RNF135: variants seen among roughly 807,000 people sequenced by gnomAD.
RNF135 encodes the protein E3 ubiquitin-protein ligase RNF135.
RNF135 carries 46 observed loss-of-function variants against 41.9 expected under a neutral mutation model. The ratio of observed to expected loss-of-function variants is 1.10; its 90% CI spans 0.87 to 1.40. The LOEUF is 1.40. RNF135 is among the 40% of genes most tolerant of loss of function. The pLI is 0.00. For missense variants in RNF135, 539 were observed against 549.8 expected, an observed-to-expected ratio of 0.98 and a Z score of 0.20; for synonymous variants, 238 against 223.8, an observed-to-expected ratio of 1.06 and a Z score of -0.57.
rs755228042 is a variant in RNF135 at position 30,998,733 on chromosome 17, G to A, written c.841G>A (p.Val281Met). ...SLEVSKDSRT[V>M]TVSHRPQPYR... is the part of the protein sequence containing the mutation. Reference sequence around the variant, plus strand: ...GGAGGTGTCCAAGGATTCCCGTACAGTGACTGTGTCTCACCGCCCACAACC... The same window carrying A: ...GGAGGTGTCCAAGGATTCCCGTACAATGACTGTGTCTCACCGCCCACAACC... The change falls in exon 5 of 5, where the codon GTG (valine) becomes ATG (methionine). Residue 281 changes from valine to methionine, a missense_variant. By Grantham distance (21) the Val-to-Met change is conservative (BLOSUM62 1). Coordinates refer to ENST00000328381, the MANE Select transcript of RNF135 (RefSeq NM_032322.4). 5 of 1,613,534 alleles carry A rather than the reference G, an allele frequency of 3.1e-6. No homozygotes were observed. The South Asian group carries it at 5.5e-5, about 18-fold the overall frequency.
Position 30,998,657 on chromosome 17 carries a change from C to G in RNF135, c.770-5C>G. 1 of 1,611,110 alleles carries G rather than the reference C, an allele frequency of 6.2e-7. No homozygotes were observed. Among genetic ancestry groups the G allele is most frequent in the African/African-American group, 1.3e-5 (1 of 74,422 alleles). The stretch of plus-strand genomic sequence containing the variant: ...GTTCTTATTGTTCTTTTTTTTTTTC[C>G]AAAGGGGCCATCCATCCAACCTTTA... On this transcript the variant is annotated splice_region_variant and splice_polypyrimidine_tract_variant and intron_variant, in intron 4 of 4. Transcript: ENST00000328381.
At chr17:30,983,921 A>G (rs758030098) in intron 1 of RNF135, among the ~76,000 whole-genome samples, 15 of 152,130 alleles carry the variant, frequency 9.9e-5, no homozygotes, top group Non-Finnish European at 2.1e-4. Context: ...TAGCTATTCA[A>G]GTTCTTTGCC....
intron 1 of RNF135, among the ~76,000 whole-genome samples, chr17:30,973,971 T>C (rs764608450): frequency 2.6e-5 from 4 of 152,310 alleles, no homozygotes; most frequent in Non-Finnish European, 5.9e-5. Context: ...GCCAGGCATG[T>C]GGTTCACACC....
chr17:30,973,674 C>T (rs1906198286), intron 1 of RNF135, among the ~76,000 whole-genome samples: 1 of 152,176 alleles, frequency 6.6e-6, no homozygotes, highest in South Asian at 2.1e-4. Context: ...CACTGTGGGC[C>T]AGGCTGGTCT....
chr17:30,997,656 T>C (rs1908454992), intron 4 of RNF135: 1 of 421,812 alleles, frequency 2.4e-6, no homozygotes. Context: ...TTCCTAAACC[T>C]GCTGAGGTAT....
At chr17:30,998,591 G>T (rs1278364584) in intron 4 of RNF135, 71 bp from the exon 5 acceptor site, 1 of 1,481,994 alleles carries the variant, frequency 6.7e-7, no homozygotes. Flanking sequence ...GTTGCTATTT[G>T]AAGACTTCTT....
Position 30,971,464 on chromosome 17 carries a change from C to A in RNF135, c.372+19C>A. 6.7e-7 allele frequency: 1 copy of A among 1,487,718 alleles called. No individual in the cohort carries two copies. Among genetic ancestry groups the A allele is most frequent in the Non-Finnish European group, 8.9e-7 (1 of 1,128,354 alleles). The allele number at this position is 1,487,718 out of a possible 1,614,324, so 92.2% of individuals were successfully genotyped here. ...GCAGCGGGTAGGGAGGCCGGGCCCG[C>A]AGCTCCCCTGGCTCCCCCGGGCTGC... On this transcript the variant is annotated intron_variant, in intron 1 of 4. Coordinates refer to ENST00000328381, the MANE Select transcript of RNF135 (RefSeq NM_032322.4).
At position 30,993,147 on chromosome 17, in the gene RNF135, G is replaced by A. The variant is rs145359991; in HGVS notation, c.680-4095G>A. Among the ~76,000 whole-genome samples the A allele has an allele frequency of 4.4e-3, 669 of 151,210 alleles. 4 individuals carry two copies. Among genetic ancestry groups the A allele is most frequent in the African/African-American group, 0.016 (646 of 41,158 alleles). On this transcript the variant is annotated intron_variant, in intron 3 of 4. Transcript: ENST00000328381. ...GCGATCTCGGCTCACCACAACCTCC[G>A]CCTCCCGGGTTCAAGCAATTCTCCT...
rs148331330 is a variant in RNF135, at chr17:30,982,507, A to G, written c.373-2110A>G. ...CACATGGGATATGGGTTGCATTGGC[A>G]ATTCAAGACTGTTTCTCCTACCCTC... On this transcript the variant is annotated intron_variant, in intron 1 of 4. Transcript: ENST00000328381. 2.8e-3 allele frequency among the ~76,000 whole-genome samples: 421 copies of G among 152,300 alleles called. 3 individuals carry two copies. Among genetic ancestry groups the G allele is most frequent in the African/African-American group, 9.4e-3 (392 of 41,562 alleles).
At position 30,999,489 on chromosome 17, in the gene RNF135, A is replaced by G; in HGVS notation, c.*298A>G. On this transcript the variant is annotated 3_prime_UTR_variant, in exon 5 of 5. Transcript: ENST00000328381. Reference sequence around the variant, plus strand: ...GGGATGTTTGAACCCTGGACATTCCAAATAAAGAATAGGCCCCTGCCTGGC... The same window carrying G: ...GGGATGTTTGAACCCTGGACATTCCGAATAAAGAATAGGCCCCTGCCTGGC... 2.5e-6 allele frequency: 1 copy of G among 403,782 alleles called. No homozygotes were observed. The allele number at this position is 403,782 out of a possible 1,614,324, so 25.0% of individuals were successfully genotyped here.
chr17:30,996,056 C>T (rs978284523), intron 3 of RNF135, among the ~76,000 whole-genome samples: 11 of 148,440 alleles, frequency 7.4e-5, no homozygotes, highest in South Asian at 2.1e-4. Flanking sequence ...GGATTACAGG[C>T]GTGAGCCACC....
chr17:30,998,905 AG>A lies in RNF135; in HGVS notation c.1015del (p.Val339SerfsTer42), dbSNP rs724159978. On this transcript the variant is annotated frameshift_variant, in exon 5 of 5. Coordinates refer to ENST00000328381, the MANE Select transcript of RNF135 (RefSeq NM_032322.4). LOFTEE classifies it high-confidence loss of function. ...GVASWEMSRD[Q>X]VLGRTMDSCC... ...GCTTCCTGGGAGATGAGCCGCGACC[AG>A]GTCCTGGGAAGGACTATGGACTCTT... is the stretch of plus-strand genomic sequence containing the variant. 49 of 1,611,812 alleles carry A rather than the reference AG, an allele frequency of 3.0e-5. No individual in the cohort carries two copies. In the East Asian group the frequency reaches 8.9e-4, roughly 29 times the overall value.
At chr17:30,991,439 T>G (rs1907982393) in intron 3 of RNF135, among the ~76,000 whole-genome samples, 1 of 150,472 alleles carries the variant, frequency 6.6e-6, no homozygotes, top group Admixed American at 6.6e-5. Context: ...TTTTTGAGAC[T>G]GAGTCTCGCT....
upstream of RNF135, among the ~76,000 whole-genome samples, chr17:30,968,144 C>A (rs908534524): frequency 2.0e-5 from 3 of 151,274 alleles, no homozygotes; most frequent in African/African-American, 7.3e-5. Flanking sequence ...CAAAATTAGC[C>A]GGGCATGGTG....
chr17:30,961,945 A>T, the RNF135 span, among the ~76,000 whole-genome samples: 2 of 151,738 alleles, frequency 1.3e-5, no homozygotes, highest in Non-Finnish European at 2.9e-5. Context: ...CTTACTAGTA[A>T]CTCCTCTTTC....
chr17:30,975,565 C>A (rs1906372726), intron 1 of RNF135: 1 of 790,928 alleles, frequency 1.3e-6, no homozygotes, highest in South Asian at 1.3e-5. Flanking sequence ...CAACAATACT[C>A]CAGGTCTGGT....
intron 3 of RNF135, among the ~76,000 whole-genome samples, chr17:30,991,769 A>AT (rs749286218): frequency 6.6e-6 from 1 of 151,862 alleles, no homozygotes; most frequent in Non-Finnish European, 1.5e-5. Flanking sequence ...ATCTTGTGTT[A>AT]TTGGTCTTTT....
At chr17:30,960,113 G>A in the RNF135 span, among the ~76,000 whole-genome samples, 26 of 152,124 alleles carry the variant, frequency 1.7e-4, no homozygotes, top group East Asian at 5.0e-3. Context: ...AAATTTATTG[G>A]CCGGGCACGG....
intron 1 of RNF135, among the ~76,000 whole-genome samples, chr17:30,978,235 G>A (rs1284031704): frequency 2.0e-5 from 3 of 152,026 alleles, no homozygotes; most frequent in Non-Finnish European, 4.4e-5. Flanking sequence ...AATCTGCTTG[G>A]TGTTTTATAA....
Sources: gnomAD v4.1 joint callset for allele counts (sites outside exome capture counted in the v4.1 genomes callset) on GRCh38, gnomAD v4.1.1 for gene constraint, MANE v1.5 for transcripts, NCBI Gene and HGNC (gene_info 2026-07-23, HGNC 2026-07-21) for gene names.